The following MAPK1IP1L variants were observed in gnomAD, a reference collection of about 807,000 sequenced individuals.
MAPK1IP1L encodes the protein mitogen-activated protein kinase 1 interacting protein 1 like, also known as MAPK-interacting and spindle-stabilizing protein-like.
In MAPK1IP1L, 10 loss-of-function variants were observed where a neutral mutation model predicts 18.1. The ratio of observed to expected loss-of-function variants is 0.55; its 90% CI spans 0.34 to 0.94. MAPK1IP1L has a LOEUF of 0.94. MAPK1IP1L is among the 40% of genes least tolerant of loss of function. The pLI is 0.02. For synonymous variants in MAPK1IP1L, 115 were observed against 117.3 expected, an observed-to-expected ratio of 0.98 and a Z score of 0.13; for missense variants, 260 against 318.2, an observed-to-expected ratio of 0.82 and a Z score of 1.39.
intron 1 of MAPK1IP1L, among the ~76,000 whole-genome samples, chr14:55,052,098 C>A (rs1042688043): frequency 6.6e-6 from 1 of 151,394 alleles, no homozygotes. Context: ...GGCTGCGGGG[C>A]GGGGCGGGCG....
At position 55,064,653 on chromosome 14, in the gene MAPK1IP1L, C is replaced by A; in HGVS notation, c.*26C>A. 2 of 1,610,418 alleles carry A rather than the reference C, an allele frequency of 1.2e-6. No individual in the cohort carries two copies. Among genetic ancestry groups the A allele is most frequent in the Non-Finnish European group, 1.7e-6 (2 of 1,178,668 alleles). ...GTTAACAATGGACGAAGAGATGACG[C>A]TTTGCTTTTTGAAGTACATGTATAT... On this transcript the variant is annotated 3_prime_UTR_variant, in exon 4 of 4. Transcript: ENST00000395468.
chr14:55,062,271 C>G (rs1463812591), intron 2 of MAPK1IP1L, among the ~76,000 whole-genome samples: 1 of 152,148 alleles, frequency 6.6e-6, no homozygotes, highest in Non-Finnish European at 1.5e-5. Context: ...TATGTAGCTC[C>G]TTTGAGGTTA....
intron 1 of MAPK1IP1L, among the ~76,000 whole-genome samples, chr14:55,057,246 A>C (rs1177971420): frequency 6.6e-6 from 1 of 152,228 alleles, no homozygotes; most frequent in Non-Finnish European, 1.5e-5. Flanking sequence ...AAGATGCATA[A>C]ATATTAGAGA....
At chr14:55,061,773 C>T (rs1444941105) in intron 2 of MAPK1IP1L, 72 bp downstream of exon 2, 8 of 1,237,568 alleles carry the variant, frequency 6.5e-6, no homozygotes, top group Middle Eastern at 2.1e-4. Flanking sequence ...AACTGGGCTA[C>T]GTAAATCTTT....
rs550365479 is a variant in MAPK1IP1L at position 55,061,583 on chromosome 14, A to G, written c.-4-97A>G. 1.1e-5 allele frequency: 9 copies of G among 791,378 alleles called. No homozygotes were observed. The African/African-American group carries it at 1.4e-4, about 13-fold the overall frequency. 49.0% of individuals were successfully genotyped at this position (791,378 alleles called of 1,614,324 possible). A position where few individuals can be genotyped will look rare whatever the true frequency, so the allele number is the denominator to read the frequency against. ...AATAAGATTCCGCTTAAGTAATAAT[A>G]ATGTATGCATAGAAAGTTCCTTAAG... On this transcript the variant is annotated intron_variant, in intron 1 of 3. Transcript: ENST00000395468.
chr14:55,053,628 A>T (rs1196128730), intron 1 of MAPK1IP1L, among the ~76,000 whole-genome samples: 2 of 152,310 alleles, frequency 1.3e-5, no homozygotes, highest in South Asian at 2.1e-4. Context: ...CTCTGCTAAG[A>T]CTTTAATACA....
rs955071164 is a variant in MAPK1IP1L, at chr14:55,051,692, T to C, written c.-116T>C. 5.8e-6 allele frequency: 3 copies of C among 516,170 alleles called. No homozygotes were observed. The highest frequency in any genetic ancestry group is 2.8e-5 in the South Asian group (2 of 71,454). 32.0% of individuals were successfully genotyped at this position (516,170 alleles called of 1,614,324 possible). A position where few individuals can be genotyped will look rare whatever the true frequency, so the allele number is the denominator to read the frequency against. On this transcript the variant is annotated 5_prime_UTR_variant, in exon 1 of 4. Transcript: ENST00000395468. ...GAGGAGCCGCGCGCTGCTGGTGCTG[T>C]TGCCGCCGCTGCTCTAGCTGCCGTC...
At chr14:55,054,544 A>G (rs894482625) in intron 1 of MAPK1IP1L, among the ~76,000 whole-genome samples, 76 of 152,342 alleles carry the variant, frequency 5.0e-4, no homozygotes, top group African/African-American at 1.8e-3. Flanking sequence ...AATATCTAAC[A>G]TGTATATAGC....
In MAPK1IP1L at chr14:55,065,416, G is replaced by A. The variant is rs185866307; in HGVS notation, c.*789G>A. The A allele has an allele frequency of 3.9e-4, 60 of 152,292 alleles. 1 individual carries two copies. The highest frequency in any genetic ancestry group is 1.4e-3 in the African/African-American group (59 of 41,570). The allele number at this position is 152,292 out of a possible 1,614,324, so 9.4% of individuals were successfully genotyped here. A position where few individuals can be genotyped will look rare whatever the true frequency, so the allele number is the denominator to read the frequency against. Reference sequence around the variant, plus strand: ...CATATTGCTTTGGGAAGAGCTCGAGGAAGGAAATAATTCTCTCCTTTGTTT... The same window carrying A: ...CATATTGCTTTGGGAAGAGCTCGAGAAAGGAAATAATTCTCTCCTTTGTTT... On this transcript the variant is annotated 3_prime_UTR_variant, in exon 4 of 4. Transcript: ENST00000395468.
rs1267454472 is a variant in MAPK1IP1L, at chr14:55,063,290, C to G, written c.691C>G (p.Pro231Ala). The change falls in exon 3 of 4, where the codon CCT (proline) becomes GCT (alanine). Residue 231 changes from proline to alanine, a missense_variant. Physicochemically the swap from Pro to Ala is conservative, Grantham distance 27. Coordinates refer to ENST00000395468, the MANE Select transcript of MAPK1IP1L (RefSeq NM_144578.4). ...PSNPFQVPSGPSGAPPMPGGP... is the reference protein window; with the variant it reads ...PSNPFQVPSGASGAPPMPGGP... Reference sequence around the variant, plus strand: ...TAATCCTTTCCAAGTGCCTTCAGGACCTTCTGGTGCTCCACCAATGCCTGG... The same window carrying G: ...TAATCCTTTCCAAGTGCCTTCAGGAGCTTCTGGTGCTCCACCAATGCCTGG... 3.1e-6 allele frequency: 5 copies of G among 1,613,724 alleles called. No homozygotes were observed. Among genetic ancestry groups the G allele is most frequent in the Middle Eastern group, 1.7e-4 (1 of 6,056 alleles).
intron 1 of MAPK1IP1L, among the ~76,000 whole-genome samples, chr14:55,056,695 G>C (rs756608923): frequency 9.2e-5 from 14 of 152,150 alleles, no homozygotes; most frequent in Non-Finnish European, 1.8e-4. Context: ...ATTTTTAGTA[G>C]AGACGGGGTT....
At chr14:55,053,039 C>G (rs1383792238) in intron 1 of MAPK1IP1L, among the ~76,000 whole-genome samples, 3 of 152,194 alleles carry the variant, frequency 2.0e-5, no homozygotes, top group African/African-American at 7.2e-5. Flanking sequence ...AACATTCATT[C>G]TAAGTGGGGG....
intron 3 of MAPK1IP1L, 36 bp downstream of exon 3, chr14:55,063,361 T>G (rs762660459): frequency 6.6e-7 from 1 of 1,503,962 alleles, no homozygotes; most frequent in South Asian, 1.2e-5. Flanking sequence ...GTGTACTAAT[T>G]GTACATAGCA....
chr14:55,058,608 A>C (rs2042789577), intron 1 of MAPK1IP1L, among the ~76,000 whole-genome samples: 2 of 152,252 alleles, frequency 1.3e-5, no homozygotes, highest in South Asian at 4.1e-4. Flanking sequence ...AGGCGGGCGG[A>C]TCACGTGAGG....
intron 1 of MAPK1IP1L, among the ~76,000 whole-genome samples, chr14:55,058,207 C>T (rs1304897539): frequency 6.6e-6 from 1 of 152,084 alleles, no homozygotes; most frequent in East Asian, 1.9e-4. Context: ...TGGAGAAGAC[C>T]CATAAAGATG....
At chr14:55,063,791 C>G (rs928514211) in intron 3 of MAPK1IP1L, 3 of 154,664 alleles carry the variant, frequency 1.9e-5, no homozygotes, top group Admixed American at 1.3e-4. Context: ...TTCTCGAGCT[C>G]AAGATTACAC....
rs992357288 is a variant in MAPK1IP1L, at chr14:55,065,701, T to C, written c.*1074T>C. On this transcript the variant is annotated 3_prime_UTR_variant, in exon 4 of 4. Transcript: ENST00000395468. ...GTCATGCAGACATGACTGTTCTCTTTGTACAAGTGTGAATCAAAATATGTA... is the reference window on the plus strand; with the variant it reads ...GTCATGCAGACATGACTGTTCTCTTCGTACAAGTGTGAATCAAAATATGTA... 2.0e-5 allele frequency: 3 copies of C among 152,224 alleles called. No homozygotes were observed. Among genetic ancestry groups the C allele is most frequent in the Non-Finnish European group, 4.4e-5 (3 of 68,042 alleles). 9.4% of individuals were successfully genotyped at this position (152,224 alleles called of 1,614,324 possible).
chr14:55,059,225 G>GAA lies in MAPK1IP1L; in HGVS notation c.-4-2436_-4-2435dup, dbSNP rs3078612. Among the ~76,000 whole-genome samples, 581 of 63,272 alleles carry GAA rather than the reference G, an allele frequency of 9.2e-3. 20 individuals are homozygous for GAA. The highest frequency in any genetic ancestry group is 0.021 in the African/African-American group (370 of 17,254). The allele number at this position is 63,272 out of a possible 152,430, so 41.5% of individuals were successfully genotyped here. ...AAAATAAAAATACATAGGAAAATCT[G>GAA]AAAAAAAAAAAAAAAAAAAAGACAG... On this transcript the variant is annotated intron_variant, in intron 1 of 3. Transcript: ENST00000395468.
At chr14:55,064,570 C>T (rs1180909628) in intron 3 of MAPK1IP1L, 46 bp from the exon 4 acceptor site, 5 of 1,590,798 alleles carry the variant, frequency 3.1e-6, no homozygotes, top group Non-Finnish European at 4.3e-6. Flanking sequence ...TTAATAAACT[C>T]CATTTGCAAA....
Sources: allele counts gnomAD v4.1 joint callset (sites outside exome capture counted in the v4.1 genomes callset), GRCh38; gene constraint gnomAD v4.1.1; transcripts MANE v1.5; gene names NCBI Gene and HGNC (gene_info 2026-07-23, HGNC 2026-07-21).